The following PLAUR variants were observed in gnomAD, a reference collection of about 807,000 sequenced individuals.
PLAUR encodes urokinase plasminogen activator surface receptor.
Under a neutral mutation model 33.4 loss-of-function variants are expected in PLAUR, and 22 were observed. The ratio of observed to expected loss-of-function variants is 0.66; its 90% CI spans 0.47 to 0.94. The LOEUF (loss-of-function observed/expected upper bound fraction) is 0.94. Ranked by LOEUF, PLAUR falls within the 40% of genes least tolerant of loss-of-function variation. The probability of loss-of-function intolerance (pLI) is 0.00; values close to 1 mark genes in which losing one functional copy is unlikely to be tolerated. For synonymous variants in PLAUR, 148 were observed against 167.3 expected (o/e 0.88, Z 0.89); for missense variants, 408 against 434.7 (o/e 0.94, Z 0.55).
intron 2 of PLAUR, among the ~76,000 whole-genome samples, chr19:43,665,676 A>T (rs960480316): frequency 5.6e-5 from 8 of 142,898 alleles, no homozygotes; most frequent in Middle Eastern, 3.4e-3. Context: ...TAATTAATTA[A>T]TTTTTTTTTC....
rs537760028 is a variant in PLAUR, at chr19:43,652,640, C to G, written c.608-269G>C. Among the ~76,000 whole-genome samples the G allele has an allele frequency of 2.0e-5, 3 of 152,230 alleles. No individual in the cohort carries two copies. The East Asian group carries it at 5.8e-4, about 29-fold the overall frequency. On this transcript the variant is annotated intron_variant, in intron 5 of 6. Coordinates refer to ENST00000340093, the MANE Select transcript of PLAUR (RefSeq NM_002659.4). ...TAAGATGAAACTGTCCTTGCTCTCACAAAAGTTACAACTTATTTATTTATT... is the reference window on the plus strand; with the variant it reads ...TAAGATGAAACTGTCCTTGCTCTCAGAAAAGTTACAACTTATTTATTTATT...
At chr19:43,669,056 C>T (rs966722285) in intron 1 of PLAUR, among the ~76,000 whole-genome samples, 1 of 152,212 alleles carries the variant, frequency 6.6e-6, no homozygotes. Flanking sequence ...GTTACTCATT[C>T]CCGGCCTCCC....
At chr19:43,662,341 C>T (rs996845127) in intron 3 of PLAUR, among the ~76,000 whole-genome samples, 8 of 151,746 alleles carry the variant, frequency 5.3e-5, no homozygotes, top group Admixed American at 5.3e-4. Context: ...ACTAAAAATT[C>T]AAAAAAATTA....
At chr19:43,668,270 T>C (rs1967351241) in intron 1 of PLAUR, 1 of 986,868 alleles carries the variant, frequency 1.0e-6, no homozygotes, top group African/African-American at 1.7e-5. Context: ...TTTCTATTGT[T>C]AGATACTCTA....
intron 1 of PLAUR, chr19:43,668,158 A>G (rs1222196793): frequency 1.0e-6 from 1 of 991,220 alleles, no homozygotes; most frequent in Non-Finnish European, 1.2e-6. Flanking sequence ...TAATGGAACT[A>G]TCCCTCCACT....
chr19:43,659,463 T>C (rs1036766928), intron 3 of PLAUR, among the ~76,000 whole-genome samples: 1 of 152,150 alleles, frequency 6.6e-6, no homozygotes, highest in Non-Finnish European at 1.5e-5. Flanking sequence ...GGGCTCTGTT[T>C]TAAGCCCTTT....
At chr19:43,652,510 T>C in intron 5 of PLAUR, 139 bp from the exon 6 acceptor site, 1 of 789,592 alleles carries the variant, frequency 1.3e-6, no homozygotes, top group East Asian at 2.5e-5. Flanking sequence ...TGAATGGCAT[T>C]TGGAGGGGGA....
rs144109074 is a variant in PLAUR, at chr19:43,663,635, G to T, written c.310+1681C>A. ...CATCTCTACTAAAAATACAAAATTAGCTGGGCGTGGTGGCGCATGCCTGTA... is the reference window on the plus strand; with the variant it reads ...CATCTCTACTAAAAATACAAAATTATCTGGGCGTGGTGGCGCATGCCTGTA... On this transcript the variant is annotated intron_variant, in intron 3 of 6. Coordinates refer to ENST00000340093, the MANE Select transcript of PLAUR (RefSeq NM_002659.4). 1.0e-3 allele frequency among the ~76,000 whole-genome samples: 154 copies of T among 152,024 alleles called. 1 individual carries two copies. Among genetic ancestry groups the T allele is most frequent in the African/African-American group, 3.6e-3 (150 of 41,478 alleles).
At chr19:43,655,400 G>T in intron 5 of PLAUR, 39 bp downstream of exon 5, 1 of 1,606,292 alleles carries the variant, frequency 6.2e-7, no homozygotes, top group Admixed American at 1.7e-5. Context: ...GCATGCCCCT[G>T]CCCGACCCCA....
intron 5 of PLAUR, among the ~76,000 whole-genome samples, chr19:43,654,020 A>G (rs1022988118): frequency 6.6e-6 from 1 of 151,718 alleles, no homozygotes; most frequent in African/African-American, 2.4e-5. Context: ...GCCACTCGGG[A>G]GGCTGAGGCA....
At chr19:43,665,251 GGAT>G in intron 3 of PLAUR, 62 bp downstream of exon 3, 1 of 1,520,796 alleles carries the variant, frequency 6.6e-7, no homozygotes, top group Non-Finnish European at 9.1e-7. Flanking sequence ...AATAGGATTG[GGAT>G]GATGATGAGG....
At chr19:43,646,523 C>G, downstream of PLAUR, 1 of 717,838 alleles carries the variant, frequency 1.4e-6, no homozygotes, top group East Asian at 2.7e-5. Context: ...TTTTACATGG[C>G]AACCAGCTTC....
At chr19:43,662,804 A>C (rs1600137653) in intron 3 of PLAUR, among the ~76,000 whole-genome samples, 1 of 148,410 alleles carries the variant, frequency 6.7e-6, no homozygotes, top group African/African-American at 2.5e-5. Flanking sequence ...AGCCTCCACC[A>C]CCTGGGCTAT....
downstream of PLAUR, among the ~76,000 whole-genome samples, chr19:43,648,276 C>T (rs1045550526): frequency 5.3e-5 from 8 of 152,090 alleles, no homozygotes; most frequent in Middle Eastern, 3.4e-3. Context: ...CCCGGATTGA[C>T]GCCATTCTCC....
At chr19:43,653,706 G>A (rs1248789378) in intron 5 of PLAUR, among the ~76,000 whole-genome samples, 3 of 149,970 alleles carry the variant, frequency 2.0e-5, no homozygotes, top group African/African-American at 7.4e-5. Context: ...AAGGCCAGGT[G>A]CAGCGGCTCA....
chr19:43,646,445 T>C (rs568562599), downstream of PLAUR: 10 of 718,008 alleles, frequency 1.4e-5, no homozygotes, highest in East Asian at 2.7e-4. Flanking sequence ...GGGCTCTATC[T>C]CCACATGGCA....
rs769789763 is a variant in PLAUR, at chr19:43,648,994, A to G, written c.904T>C (p.Tyr302His). 6 of 1,614,150 alleles carry G rather than the reference A, an allele frequency of 3.7e-6. No individual in the cohort carries two copies. Among genetic ancestry groups the G allele is most frequent in the Middle Eastern group, 3.3e-4 (2 of 6,058 alleles). Residue 302 changes from tyrosine to histidine, a missense_variant, in exon 7 of 7, where the codon TAC becomes CAC. Tyr to His is a moderately conservative substitution (Grantham distance 83). Coordinates refer to ENST00000340093, the MANE Select transcript of PLAUR (RefSeq NM_002659.4). ...GCNHPDLDVQ[Y>H]RSGAAPQPGP... ...GGCTGAGGAGCAGCCCCACTGCGGT[A>G]CTGGACATCCAGGTCTGGGTGGTTA...
chr19:43,666,903 A>C (rs1967279288), intron 2 of PLAUR, among the ~76,000 whole-genome samples: 2 of 133,912 alleles, frequency 1.5e-5, no homozygotes, highest in South Asian at 4.7e-4. Context: ...TTTTGACAGG[A>C]TCTCGCTCTG....
At chr19:43,646,754 T>A (rs1973830491), downstream of PLAUR, among the ~76,000 whole-genome samples, 1 of 149,800 alleles carries the variant, frequency 6.7e-6, no homozygotes, top group Non-Finnish European at 1.5e-5. Context: ...AAGAACCTTG[T>A]CCCTCACCTG....
Sources: gnomAD v4.1 joint callset for allele counts (sites outside exome capture counted in the v4.1 genomes callset) on GRCh38, gnomAD v4.1.1 for gene constraint, MANE v1.5 for transcripts, NCBI Gene and HGNC (gene_info 2026-07-23, HGNC 2026-07-21) for gene names.